The following DTNA variants were observed in gnomAD, a reference collection of about 807,000 sequenced individuals.
DTNA encodes the protein dystrobrevin alpha.
Under a neutral mutation model 100.7 loss-of-function variants are expected in DTNA, and 43 were observed. That is an observed-to-expected ratio of 0.43 (90% CI 0.33 to 0.55). The LOEUF is 0.55. Among genes scored for constraint, DTNA ranks in the 20% least tolerant of loss-of-function variants. DTNA has a pLI of 0.04. For synonymous variants in DTNA, 349 were observed against 347.9 expected (o/e 1.00, Z -0.04); for missense variants, 798 against 953.9 (o/e 0.84, Z 2.15).
intron 2 of DTNA, among the ~76,000 whole-genome samples, chr18:34,759,536 A>G (rs1245414891): frequency 6.6e-6 from 1 of 152,236 alleles, no homozygotes; most frequent in Admixed American, 6.5e-5. Flanking sequence ...TGGAAAACAC[A>G]CTTTGAGAAC....
chr18:34,767,383 T>C (rs960564883), intron 3 of DTNA, among the ~76,000 whole-genome samples: 3 of 152,132 alleles, frequency 2.0e-5, no homozygotes, highest in Non-Finnish European at 4.4e-5. Flanking sequence ...CTCCTCTACA[T>C]CTTATTCCCC....
chr18:34,581,871 C>T (rs549279313), intron 1 of DTNA, among the ~76,000 whole-genome samples: 99 of 152,234 alleles, frequency 6.5e-4, no homozygotes, highest in African/African-American at 2.2e-3. Context: ...ATCCGCCCAC[C>T]TCGGCCTCCC....
chr18:34,581,874 G>A lies in DTNA; in HGVS notation c.-2+88360G>A, dbSNP rs536966791. Reference sequence around the variant, plus strand: ...CTTGACCTCGTGATCCGCCCACCTCGGCCTCCCAAAGTGCTGGGATTATAG... The same window carrying A: ...CTTGACCTCGTGATCCGCCCACCTCAGCCTCCCAAAGTGCTGGGATTATAG... On this transcript the variant is annotated intron_variant, in intron 1 of 19. Coordinates refer to the DTNA transcript ENST00000283365. Among the ~76,000 whole-genome samples the A allele has an allele frequency of 2.2e-4, 34 of 151,954 alleles. 2 individuals carry two copies. The South Asian group carries it at 4.4e-3, about 20-fold the overall frequency.
At chr18:34,751,603 T>A (rs1429732803) in intron 1 of DTNA, among the ~76,000 whole-genome samples, 1 of 152,202 alleles carries the variant, frequency 6.6e-6, no homozygotes, top group African/African-American at 2.4e-5. Flanking sequence ...ATTTTAAAGC[T>A]CCCTGCTTTT....
chr18:34,866,153 A>G, intron 17 of DTNA: 1 of 1,614,184 alleles, frequency 6.2e-7, no homozygotes, highest in Non-Finnish European at 8.5e-7. Context: ...CCCCTACTGC[A>G]GGTCTTAACT....
chr18:34,531,651 A>C (rs772091582), intron 1 of DTNA, among the ~76,000 whole-genome samples: 11 of 152,126 alleles, frequency 7.2e-5, no homozygotes, highest in Non-Finnish European at 1.5e-5. Context: ...GACAGAAAGC[A>C]CAAGGCAGTG....
chr18:34,500,815 T>C (rs991299495), intron 1 of DTNA, among the ~76,000 whole-genome samples: 1 of 152,100 alleles, frequency 6.6e-6, no homozygotes, highest in Non-Finnish European at 1.5e-5. Context: ...TGAGGTACAA[T>C]GTGATGTTTC....
intron 11 of DTNA, among the ~76,000 whole-genome samples, chr18:34,831,742 G>A (rs1431500028): frequency 2.0e-5 from 3 of 152,048 alleles, no homozygotes; most frequent in Admixed American, 6.6e-5. Flanking sequence ...CACTCCAGCC[G>A]GGACAACAAG....
At chr18:34,768,413 A>C (rs1363158654) in intron 3 of DTNA, among the ~76,000 whole-genome samples, 1 of 144,154 alleles carries the variant, frequency 6.9e-6, no homozygotes, top group Non-Finnish European at 1.5e-5. Context: ...CACTGCACTC[A>C]ACATTAAGGT....
chr18:34,589,404 C>T (rs1056599680), intron 1 of DTNA, among the ~76,000 whole-genome samples: 8 of 151,914 alleles, frequency 5.3e-5, no homozygotes, highest in Non-Finnish European at 1.2e-4. Context: ...GTCAGGGGAT[C>T]GAGACCATCC....
chr18:34,836,552 G>A (rs1005389545), intron 11 of DTNA, among the ~76,000 whole-genome samples: 2 of 151,058 alleles, frequency 1.3e-5, no homozygotes, highest in Admixed American at 6.6e-5. Context: ...GGAGGCTGAG[G>A]CAGGAGAATC....
At chr18:34,831,313 A>C (rs2096003448) in intron 11 of DTNA, among the ~76,000 whole-genome samples, 1 of 152,170 alleles carries the variant, frequency 6.6e-6, no homozygotes, top group African/African-American at 2.4e-5. Context: ...AGTGGTAAGC[A>C]CTCACAAAAG....
At chr18:34,793,919 CT>C in intron 3 of DTNA, 117 bp from the exon 4 acceptor site, 4 of 1,036,416 alleles carry the variant, frequency 3.9e-6, no homozygotes, top group Non-Finnish European at 5.9e-6. Flanking sequence ...TGTTGACCCC[CT>C]GCAACAGCTG....
intron 1 of DTNA, among the ~76,000 whole-genome samples, chr18:34,527,109 A>G (rs2042698337): frequency 6.6e-6 from 1 of 151,864 alleles, no homozygotes; most frequent in Non-Finnish European, 1.5e-5. Context: ...CCTTTCTGTA[A>G]CACCTTAAAC....
chr18:34,797,302 A>G (rs2095022898), intron 4 of DTNA, among the ~76,000 whole-genome samples: 1 of 152,150 alleles, frequency 6.6e-6, no homozygotes, highest in African/African-American at 2.4e-5. Flanking sequence ...TAAGGCGTCT[A>G]GTGGAATGGA....
chr18:34,551,757 T>TAA (rs2045444292), intron 1 of DTNA, among the ~76,000 whole-genome samples: 2 of 152,162 alleles, frequency 1.3e-5, no homozygotes, highest in South Asian at 4.1e-4. Flanking sequence ...GAATGCCATT[T>TAA]AAAAATATAT....
At chr18:34,718,685 G>T (rs1248613671) in intron 1 of DTNA, among the ~76,000 whole-genome samples, 1 of 152,198 alleles carries the variant, frequency 6.6e-6, no homozygotes, top group Non-Finnish European at 1.5e-5. Flanking sequence ...GTGGAGTATG[G>T]TCTTGGTCAT....
chr18:34,649,211 A>T (rs2060176075), intron 1 of DTNA, among the ~76,000 whole-genome samples: 1 of 152,188 alleles, frequency 6.6e-6, no homozygotes, highest in East Asian at 1.9e-4. Context: ...ATCATCTTGA[A>T]ATGGACATTA....
At chr18:34,829,212 C>A in intron 10 of DTNA, 188 bp from the exon 11 acceptor site, 1 of 1,563,492 alleles carries the variant, frequency 6.4e-7, no homozygotes, top group East Asian at 2.4e-5. Context: ...TTGGAATGTT[C>A]TCTGTGAACC....
Sources: gnomAD v4.1 joint callset for allele counts (sites outside exome capture counted in the v4.1 genomes callset) on GRCh38, gnomAD v4.1.1 for gene constraint, MANE v1.5 for transcripts, NCBI Gene and HGNC (gene_info 2026-07-23, HGNC 2026-07-21) for gene names.